PCGF3: variants seen among roughly 807,000 people sequenced by gnomAD.
PCGF3 encodes polycomb group RING finger protein 3.
In PCGF3, 7 loss-of-function variants were observed where a neutral mutation model predicts 33.1. The ratio of observed to expected loss-of-function variants is 0.21; its 90% confidence interval spans 0.12 to 0.40. The LOEUF (loss-of-function observed/expected upper bound fraction) is 0.40. Among genes scored for constraint, PCGF3 ranks in the 10% least tolerant of loss-of-function variants. The pLI is 1.00. For missense variants in PCGF3, 211 were observed against 313.3 expected (o/e 0.67, Z 2.46); for synonymous variants, 153 against 121.3 (o/e 1.26, Z -1.72).
At chr4:757,078 C>T (rs1342501844) in intron 8 of PCGF3, 1 of 152,236 alleles carries the variant, frequency 6.6e-6, no homozygotes, top group African/African-American at 2.4e-5. Context: ...TCTGTAGTGA[C>T]CTATAGAGAA....
At chr4:706,909 C>A (rs1434315008) in intron 1 of PCGF3, among the ~76,000 whole-genome samples, 2 of 140,180 alleles carry the variant, frequency 1.4e-5, no homozygotes, top group African/African-American at 5.4e-5. Context: ...AGACCCCAGA[C>A]CAGGCAGGAC....
At chr4:743,183 G>A (rs1364594756) in intron 6 of PCGF3, among the ~76,000 whole-genome samples, 1 of 152,200 alleles carries the variant, frequency 6.6e-6, no homozygotes, top group African/African-American at 2.4e-5. Context: ...GCTGAGGTGG[G>A]GATGACAGTC....
At chr4:715,923 G>A (rs1403507687) in intron 1 of PCGF3, among the ~76,000 whole-genome samples, 28 of 122,302 alleles carry the variant, frequency 2.3e-4, no homozygotes, top group South Asian at 3.3e-4. Context: ...TCGGTGCTGG[G>A]ACCCTGTAGA....
intron 9 of PCGF3, among the ~76,000 whole-genome samples, chr4:764,158 T>G (rs1228019287): frequency 6.6e-6 from 1 of 152,140 alleles, no homozygotes; most frequent in African/African-American, 2.4e-5. Flanking sequence ...GGAGGTGATG[T>G]CAGTGCAGGT....
intron 9 of PCGF3, chr4:762,149 G>A (rs555452340): frequency 2.6e-5 from 24 of 912,782 alleles, no homozygotes; most frequent in Non-Finnish European, 3.1e-5. Context: ...CTAACCCCCA[G>A]AGCCTGCAAA....
chr4:712,605 C>G (rs1742624051), intron 1 of PCGF3, among the ~76,000 whole-genome samples: 2 of 152,316 alleles, frequency 1.3e-5, no homozygotes, highest in African/African-American at 4.8e-5. Context: ...TGCCACCATG[C>G]CCGGCTAAGT....
At chr4:743,396 TTA>T in intron 6 of PCGF3, 76 bp from the exon 7 acceptor site, 3 of 804,362 alleles carry the variant, frequency 3.7e-6, no homozygotes, top group Non-Finnish European at 6.4e-6. Context: ...CTAATTTTCT[TTA>T]TGTGATGTTT....
At chr4:766,882 C>T (rs1745402124) in exon 11 of PCGF3, 2 of 152,240 alleles carry the variant, frequency 1.3e-5, no homozygotes, top group South Asian at 4.1e-4. Flanking sequence ...TTAAAAATTA[C>T]TTGTTCCCCC....
At chr4:718,807 G>A (rs1206123903) in intron 1 of PCGF3, among the ~76,000 whole-genome samples, 1 of 152,200 alleles carries the variant, frequency 6.6e-6, no homozygotes, top group African/African-American at 2.4e-5. Flanking sequence ...CCATGGGGGA[G>A]GCAACTTTAC....
chr4:723,187 C>T (rs1743189950), intron 1 of PCGF3, among the ~76,000 whole-genome samples: 1 of 152,224 alleles, frequency 6.6e-6, no homozygotes, highest in African/African-American at 2.4e-5. Context: ...GCCATCCGCG[C>T]GGGGATGTGT....
At chr4:712,510 C>A (rs963720545) in intron 1 of PCGF3, among the ~76,000 whole-genome samples, 3 of 152,188 alleles carry the variant, frequency 2.0e-5, no homozygotes, top group Non-Finnish European at 4.4e-5. Context: ...TGCAGTGGCG[C>A]GATCTCGGCT....
At chr4:760,864 G>T (rs554626470) in intron 8 of PCGF3, among the ~76,000 whole-genome samples, 1 of 152,220 alleles carries the variant, frequency 6.6e-6, no homozygotes, top group Non-Finnish European at 1.5e-5. Context: ...CCCTGCTCAA[G>T]GCTTCTCCCT....
exon 11 of PCGF3, chr4:767,654 A>C (rs1560224491): frequency 6.6e-6 from 1 of 152,186 alleles, no homozygotes; most frequent in East Asian, 1.9e-4. Flanking sequence ...ATTCCATCTG[A>C]GTGATTGTCA....
intron 1 of PCGF3, among the ~76,000 whole-genome samples, chr4:716,894 T>C (rs1456764882): frequency 1.6e-4 from 23 of 144,468 alleles, no homozygotes; most frequent in Admixed American, 1.4e-3. Context: ...TGGGCCCCTG[T>C]GGACACTGCG....
At chr4:742,507 T>C (rs1744138183) in intron 6 of PCGF3, among the ~76,000 whole-genome samples, 1 of 152,238 alleles carries the variant, frequency 6.6e-6, no homozygotes. Flanking sequence ...GCAGCTTTTT[T>C]CTAACCTTTC....
chr4:751,541 TTCTTC>T (rs2152604576), intron 8 of PCGF3, among the ~76,000 whole-genome samples: 1 of 151,760 alleles, frequency 6.6e-6, no homozygotes, highest in East Asian at 2.0e-4. Flanking sequence ...AGACAGTCGT[TTCTTC>T]TCTTAACTCT....
At chr4:716,613 T>C (rs373550482) in intron 1 of PCGF3, among the ~76,000 whole-genome samples, 131 of 95,092 alleles carry the variant, frequency 1.4e-3, no homozygotes, top group South Asian at 2.1e-3. Context: ...GAGAACTGGG[T>C]GTCGGTGCTG....
chr4:709,107 T>C (rs565743402), intron 1 of PCGF3, among the ~76,000 whole-genome samples: 1 of 152,330 alleles, frequency 6.6e-6, no homozygotes, highest in South Asian at 2.1e-4. Flanking sequence ...TGACATCTTG[T>C]CAGGGGTGTT....
chr4:742,479 G>A (rs1252632036), intron 6 of PCGF3, among the ~76,000 whole-genome samples: 1 of 152,226 alleles, frequency 6.6e-6, no homozygotes, highest in Non-Finnish European at 1.5e-5. Context: ...TCAGAGTGAT[G>A]TCTGGGTTGC....
Sources: gnomAD v4.1 joint callset for allele counts (sites outside exome capture counted in the v4.1 genomes callset) on GRCh38, gnomAD v4.1.1 for gene constraint, MANE v1.5 for transcripts, NCBI Gene and HGNC (gene_info 2026-07-23, HGNC 2026-07-21) for gene names.